Variants in ATP11A observed in about 807,000 individuals in gnomAD.
ATP11A encodes the protein phospholipid-transporting ATPase IH.
Under a neutral mutation model 154.4 loss-of-function variants are expected in ATP11A, and 81 were observed. The observed-to-expected ratio is 0.52, with a 90% confidence interval of 0.44 to 0.63. ATP11A has a LOEUF of 0.63. ATP11A is among the 30% of genes least tolerant of loss of function. The pLI is 0.00. For missense variants in ATP11A, 1,316 were observed against 1,474.3 expected, an observed-to-expected ratio of 0.89 and a Z score of 1.76; for synonymous variants, 623 against 585.9, an observed-to-expected ratio of 1.06 and a Z score of -0.91.
chr13:112,834,253 G>T (rs1025890810), intron 14 of ATP11A, among the ~76,000 whole-genome samples: 1 of 152,202 alleles, frequency 6.6e-6, no homozygotes, highest in Non-Finnish European at 1.5e-5. Flanking sequence ...CAAAGTCCAC[G>T]AATCAATGAG....
chr13:112,765,124 C>T (rs1168087313), intron 1 of ATP11A, among the ~76,000 whole-genome samples: 3 of 151,754 alleles, frequency 2.0e-5, no homozygotes, highest in Non-Finnish European at 2.9e-5. Context: ...CAGCAAAGTG[C>T]GTTGACAGTG....
chr13:112,744,577 C>A (rs1383870254), intron 1 of ATP11A, among the ~76,000 whole-genome samples: 2 of 152,244 alleles, frequency 1.3e-5, no homozygotes, highest in Non-Finnish European at 2.9e-5. Context: ...CGGCCCTCTG[C>A]TCACCACCTG....
chr13:112,706,387 T>G (rs1188603501), intron 1 of ATP11A, among the ~76,000 whole-genome samples: 1 of 152,236 alleles, frequency 6.6e-6, no homozygotes, highest in African/African-American at 2.4e-5. Context: ...AGGCAGGACA[T>G]TTAAATCATA....
At chr13:112,755,314 TC>T in intron 1 of ATP11A, among the ~76,000 whole-genome samples, 1 of 152,170 alleles carries the variant, frequency 6.6e-6, no homozygotes, top group African/African-American at 2.4e-5. Flanking sequence ...CATTGCACAG[TC>T]CCACCCTCTC....
In ATP11A at chr13:112,807,558, C is replaced by A. The variant is rs939296901; in HGVS notation, c.333+1265C>A. 2.0e-5 allele frequency among the ~76,000 whole-genome samples: 3 copies of A among 152,164 alleles called. No homozygotes were observed. Among genetic ancestry groups the A allele is most frequent in the African/African-American group, 7.2e-5 (3 of 41,426 alleles). Reference sequence around the variant, plus strand: ...TGTGACTCAGGCAGTTTAACTCCTACCTGGGATAAGGCCTCACTTCATGTC... The same window carrying A: ...TGTGACTCAGGCAGTTTAACTCCTAACTGGGATAAGGCCTCACTTCATGTC... On this transcript the variant is annotated intron_variant, in intron 4 of 29. Coordinates refer to ENST00000375645, the MANE Select transcript of ATP11A (RefSeq NM_015205.3). The surrounding 1 kb of genome is among the most constrained non-coding windows in gnomAD (Gnocchi z 4.5).
At chr13:112,722,631 G>T (rs1889329000) in intron 1 of ATP11A, among the ~76,000 whole-genome samples, 1 of 152,194 alleles carries the variant, frequency 6.6e-6, no homozygotes, top group South Asian at 2.1e-4. Context: ...GAGTGCCCTT[G>T]GCGGAGAGGA....
intron 1 of ATP11A, among the ~76,000 whole-genome samples, chr13:112,718,529 G>A (rs975437443): frequency 6.6e-6 from 1 of 152,210 alleles, no homozygotes; most frequent in Non-Finnish European, 1.5e-5. Flanking sequence ...CGAGGTGTGT[G>A]CGGTGGGGAT....
chr13:112,831,883 C>CAT (rs1405671292), intron 13 of ATP11A, among the ~76,000 whole-genome samples: 1 of 152,288 alleles, frequency 6.6e-6, no homozygotes, highest in Non-Finnish European at 1.5e-5. Flanking sequence ...CACACACACA[C>CAT]ATGCAGACAC....
In ATP11A at chr13:112,859,292, C is replaced by T. The variant is rs2080030116; in HGVS notation, c.2668-101C>T. On this transcript the variant is annotated intron_variant, in intron 22 of 29. Coordinates refer to ENST00000375645, the MANE Select transcript of ATP11A (RefSeq NM_015205.3). This position sits in a 1 kb window ranked among gnomAD's most constrained non-coding sequence, Gnocchi z 4.3. ...GTGCTGTTCTGCCGCACGCTGGGTG[C>T]ACGTGGATCCCTCCTCCCATGTGGG... 1 of 886,410 alleles carries T rather than the reference C, an allele frequency of 1.1e-6. No individual in the cohort carries two copies. 54.9% of individuals were successfully genotyped at this position (886,410 alleles called of 1,614,324 possible).
In ATP11A at chr13:112,690,406, C is replaced by T; in HGVS notation, c.-11C>T. Reference sequence around the variant, plus strand: ...GCGCTGAACGGCGGAGCGGGAGCGGCCGGAGGAGCCATGGACTGCAGCCTC... The same window carrying T: ...GCGCTGAACGGCGGAGCGGGAGCGGTCGGAGGAGCCATGGACTGCAGCCTC... On this transcript the variant is annotated 5_prime_UTR_variant, in exon 1 of 30. Transcript: ENST00000375645. This position sits in a 1 kb window ranked among gnomAD's most constrained non-coding sequence, Gnocchi z 5.6. 7.7e-7 allele frequency: 1 copy of T among 1,302,484 alleles called. No individual in the cohort carries two copies. Among genetic ancestry groups the T allele is most frequent in the Non-Finnish European group, 9.8e-7 (1 of 1,025,326 alleles). 80.7% of individuals were successfully genotyped at this position (1,302,484 alleles called of 1,614,324 possible). A position where few individuals can be genotyped will look rare whatever the true frequency, so the allele number is the denominator to read the frequency against.
intron 1 of ATP11A, among the ~76,000 whole-genome samples, chr13:112,749,146 G>C (rs921245567): frequency 6.6e-6 from 1 of 152,230 alleles, no homozygotes; most frequent in Non-Finnish European, 1.5e-5. Flanking sequence ...GTCTGCTCTG[G>C]TGGATGCCGT....
chr13:112,736,147 G>C (rs79638334), intron 1 of ATP11A, among the ~76,000 whole-genome samples: 33 of 152,348 alleles, frequency 2.2e-4, no homozygotes, highest in African/African-American at 7.5e-4. Flanking sequence ...AGCATGGACA[G>C]AGGGTGAGAA....
intron 1 of ATP11A, among the ~76,000 whole-genome samples, chr13:112,704,064 C>G (rs1317110450): frequency 6.6e-6 from 1 of 152,168 alleles, no homozygotes; most frequent in African/African-American, 2.4e-5. Flanking sequence ...AAATGCAGGT[C>G]AGAACAATGG....
chr13:112,878,378 C>T lies in ATP11A; in HGVS notation c.*9+75C>T, dbSNP rs2080793188. ...CAGGGCCATGCCCATCACCAGAGCC[C>T]TGAGTCCACGTGCTCTGACGCAGCG... On this transcript the variant is annotated intron_variant, in intron 29 of 29. Transcript: ENST00000375645. 6 of 1,524,856 alleles carry T rather than the reference C, an allele frequency of 3.9e-6. No homozygotes were observed. The Admixed American group carries it at 6.7e-5, about 17-fold the overall frequency. 94.5% of individuals were successfully genotyped at this position (1,524,856 alleles called of 1,614,324 possible).
intron 1 of ATP11A, chr13:112,717,630 C>T (rs961031786): frequency 3.3e-5 from 5 of 152,214 alleles, no homozygotes; most frequent in Non-Finnish European, 4.4e-5. Context: ...TTTTTCAGTT[C>T]TCTGCACTGC....
At chr13:112,820,413 T>C (rs2078767925) in intron 8 of ATP11A, among the ~76,000 whole-genome samples, 1 of 152,220 alleles carries the variant, frequency 6.6e-6, no homozygotes, top group African/African-American at 2.4e-5. Flanking sequence ...TATCTGAGGC[T>C]CACACCTACC....
At chr13:112,842,147 A>G (rs2079439846) in intron 16 of ATP11A, 129 bp from the exon 17 acceptor site, 2 of 711,882 alleles carry the variant, frequency 2.8e-6, no homozygotes, top group Admixed American at 4.9e-5. Flanking sequence ...TAACTGGTCC[A>G]TTAAAATCTT....
chr13:112,867,736 C>A (rs1011776919), intron 25 of ATP11A, among the ~76,000 whole-genome samples: 1 of 152,196 alleles, frequency 6.6e-6, no homozygotes, highest in Non-Finnish European at 1.5e-5. Context: ...TGAGCCCCCA[C>A]GGAACCCGCG....
At chr13:112,742,418 T>A (rs1017282033) in intron 1 of ATP11A, among the ~76,000 whole-genome samples, 24 of 151,394 alleles carry the variant, frequency 1.6e-4, no homozygotes, top group African/African-American at 5.9e-4. Context: ...TGTGGGAGAC[T>A]GGGGTGTGAG....
Sources: allele counts gnomAD v4.1 joint callset (sites outside exome capture counted in the v4.1 genomes callset), GRCh38; gene constraint gnomAD v4.1.1; non-coding constraint Gnocchi (gnomAD v3.1); transcripts MANE v1.5; gene names NCBI Gene and HGNC (gene_info 2026-07-23, HGNC 2026-07-21).